The following CSMD3 variants were observed in gnomAD, a reference collection of about 807,000 sequenced individuals.
The protein encoded by CSMD3 is CUB and sushi domain-containing protein 3.
A neutral mutation model predicts 435.2 loss-of-function variants in CSMD3; 177 were observed. The ratio of observed to expected loss-of-function variants is 0.41; its 90% CI spans 0.36 to 0.46. The LOEUF is 0.46. Ranked by LOEUF, CSMD3 falls within the 20% of genes least tolerant of loss-of-function variation. The pLI, the probability that CSMD3 is intolerant of heterozygous loss-of-function variation, is 0.34. For missense variants in CSMD3, 4,265 were observed against 4,504.6 expected (o/e 0.95, Z 1.52); for synonymous variants, 1,656 against 1,520.5 (o/e 1.09, Z -2.07).
rs1310642407 is a variant in CSMD3 at position 112,305,028 on chromosome 8, C to T, written c.8072-113G>A. 1.5e-5 allele frequency: 12 copies of T among 780,766 alleles called. No homozygotes were observed. The Admixed American group carries it at 2.0e-4, about 13-fold the overall frequency. 48.4% of individuals were successfully genotyped at this position (780,766 alleles called of 1,614,324 possible). On this transcript the variant is annotated intron_variant, in intron 51 of 70. Coordinates refer to ENST00000297405, the MANE Select transcript of CSMD3 (RefSeq NM_198123.2). ...ACTTACTCTTGCACTATACAAGGTC[C>T]TTTAGCATTTGTTCTTTATTTCTTT...
chr8:112,639,653 A>ATC (rs2074764497), intron 20 of CSMD3, among the ~76,000 whole-genome samples: 1 of 152,030 alleles, frequency 6.6e-6, no homozygotes, highest in Admixed American at 6.6e-5. Context: ...TTGTATATAT[A>ATC]TTTTGTAGTT....
At chr8:112,899,960 G>A (rs940040438) in intron 10 of CSMD3, among the ~76,000 whole-genome samples, 2 of 151,000 alleles carry the variant, frequency 1.3e-5, no homozygotes, top group African/African-American at 4.9e-5. Context: ...AATTTGGAAA[G>A]TTGTAATGTT....
chr8:112,346,920 C>A, intron 40 of CSMD3, among the ~76,000 whole-genome samples: 1 of 151,844 alleles, frequency 6.6e-6, no homozygotes, highest in East Asian at 1.9e-4. Context: ...ACCTCGTGAT[C>A]CGCCCGCCCA....
intron 20 of CSMD3, among the ~76,000 whole-genome samples, chr8:112,644,838 T>C (rs2074934656): frequency 6.6e-6 from 1 of 152,076 alleles, no homozygotes. Flanking sequence ...GTTTTCCTGT[T>C]ACAAAAATTT....
At chr8:112,609,681 T>TA (rs1167922187) in intron 22 of CSMD3, among the ~76,000 whole-genome samples, 1 of 152,194 alleles carries the variant, frequency 6.6e-6, no homozygotes, top group East Asian at 1.9e-4. Flanking sequence ...CCGAAGGACA[T>TA]AAAATCACTG....
chr8:113,143,356 T>C (rs1174274181), intron 4 of CSMD3, among the ~76,000 whole-genome samples: 2 of 151,362 alleles, frequency 1.3e-5, no homozygotes, highest in Non-Finnish European at 3.0e-5. Context: ...ACTCAATCAC[T>C]TACATATCAC....
chr8:112,572,813 T>A (rs770223781), intron 24 of CSMD3, among the ~76,000 whole-genome samples: 1 of 152,096 alleles, frequency 6.6e-6, no homozygotes, highest in Non-Finnish European at 1.5e-5. Flanking sequence ...TCAAGAAATA[T>A]ATTATTTGAA....
At chr8:112,672,259 T>C (rs926986269) in intron 16 of CSMD3, among the ~76,000 whole-genome samples, 3 of 151,814 alleles carry the variant, frequency 2.0e-5, no homozygotes, top group Non-Finnish European at 2.9e-5. Context: ...TAGGCAGAGG[T>C]AGGAAGTAAA....
intron 13 of CSMD3, among the ~76,000 whole-genome samples, chr8:112,735,795 A>G (rs1353956373): frequency 1.3e-5 from 2 of 152,024 alleles, no homozygotes; most frequent in Non-Finnish European, 1.5e-5. Context: ...AGATCTCCCC[A>G]GAACAATATA....
intron 13 of CSMD3, among the ~76,000 whole-genome samples, chr8:112,773,958 TAG>T (rs2132211904): frequency 6.6e-6 from 1 of 152,192 alleles, no homozygotes; most frequent in South Asian, 2.1e-4. Flanking sequence ...ATTGTGAGGC[TAG>T]AGCAACTACC....
intron 4 of CSMD3, among the ~76,000 whole-genome samples, chr8:113,158,615 T>C (rs2091979328): frequency 1.3e-5 from 2 of 152,012 alleles, no homozygotes; most frequent in South Asian, 2.1e-4. Flanking sequence ...TGAATATAAA[T>C]GCAAGCCTAA....
chr8:113,157,609 A>G (rs1165954756), intron 4 of CSMD3, among the ~76,000 whole-genome samples: 1 of 152,090 alleles, frequency 6.6e-6, no homozygotes, highest in African/African-American at 2.4e-5. Context: ...AAAAATCACT[A>G]AATCCACTGG....
At chr8:112,927,444 C>T (rs1176292951) in intron 9 of CSMD3, among the ~76,000 whole-genome samples, 1 of 152,052 alleles carries the variant, frequency 6.6e-6, no homozygotes, top group Non-Finnish European at 1.5e-5. Context: ...ATCCACCCCG[C>T]CTTGTCATTA....
At chr8:113,241,215 G>A (rs1344174257) in intron 3 of CSMD3, among the ~76,000 whole-genome samples, 2 of 151,934 alleles carry the variant, frequency 1.3e-5, no homozygotes, top group African/African-American at 4.8e-5. Context: ...AAAAATTATG[G>A]GGACTATGTT....
At chr8:112,871,735 C>A (rs185169357) in intron 10 of CSMD3, among the ~76,000 whole-genome samples, 137 of 152,136 alleles carry the variant, frequency 9.0e-4, no homozygotes, top group Admixed American at 2.4e-3. Flanking sequence ...TGTATACTTT[C>A]AATGATTATG....
intron 11 of CSMD3, among the ~76,000 whole-genome samples, chr8:112,832,796 T>G (rs2132493799): frequency 6.6e-6 from 1 of 152,286 alleles, no homozygotes; most frequent in East Asian, 1.9e-4. Flanking sequence ...AAATTTATGT[T>G]GTTTCATGTT....
chr8:112,704,929 TG>T (rs1427203813), intron 13 of CSMD3, among the ~76,000 whole-genome samples: 1 of 152,070 alleles, frequency 6.6e-6, no homozygotes, highest in Non-Finnish European at 1.5e-5. Flanking sequence ...AACAATTAAA[TG>T]GGATATAGTG....
intron 30 of CSMD3, among the ~76,000 whole-genome samples, chr8:112,498,365 A>G (rs1384937707): frequency 6.6e-6 from 1 of 152,156 alleles, no homozygotes; most frequent in Non-Finnish European, 1.5e-5. Context: ...TGACAGCATG[A>G]ATCTTAAGTT....
intron 5 of CSMD3, among the ~76,000 whole-genome samples, chr8:113,045,195 A>C (rs954481767): frequency 1.9e-4 from 29 of 149,188 alleles, no homozygotes; most frequent in Admixed American, 7.3e-4. Flanking sequence ...ACAAACAACA[A>C]CAAAAAAACT....
Sources: gnomAD v4.1 joint callset for allele counts (sites outside exome capture counted in the v4.1 genomes callset) on GRCh38, gnomAD v4.1.1 for gene constraint, MANE v1.5 for transcripts, NCBI Gene and HGNC (gene_info 2026-07-23, HGNC 2026-07-21) for gene names.